The following ERC1 variants were observed in gnomAD, a reference collection of about 807,000 sequenced individuals.
The protein encoded by ERC1 is RAB6 interacting protein 2.
ERC1 carries 56 observed loss-of-function variants against 132.0 expected under a neutral mutation model. The ratio of observed to expected loss-of-function variants is 0.42; its 90% confidence interval spans 0.34 to 0.53. ERC1 has a LOEUF of 0.53. ERC1 is among the 20% of genes least tolerant of loss of function. The probability of loss-of-function intolerance (pLI) is 0.03; values close to 1 mark genes in which losing one functional copy is unlikely to be tolerated. For missense variants in ERC1, 1,202 were observed against 1,349.9 expected (o/e 0.89, Z 1.72); for synonymous variants, 478 against 476.1 (o/e 1.00, Z -0.05).
At chr12:1,351,526 G>A (rs1314644808) in intron 15 of ERC1, among the ~76,000 whole-genome samples, 1 of 152,104 alleles carries the variant, frequency 6.6e-6, no homozygotes, top group Non-Finnish European at 1.5e-5. Context: ...GTATCTCATT[G>A]TTCTCATATG....
chr12:1,022,351 A>G (rs1769268993), intron 1 of ERC1, among the ~76,000 whole-genome samples: 1 of 152,250 alleles, frequency 6.6e-6, no homozygotes, highest in Admixed American at 6.5e-5. Flanking sequence ...TGAAAAACAA[A>G]CATCTCAGAT....
At chr12:1,468,410 C>T (rs901802709) in intron 18 of ERC1, among the ~76,000 whole-genome samples, 1 of 152,178 alleles carries the variant, frequency 6.6e-6, no homozygotes, top group Non-Finnish European at 1.5e-5. Flanking sequence ...CAAGGTCAGC[C>T]TGGCCAACAT....
intron 17 of ERC1, among the ~76,000 whole-genome samples, chr12:1,433,209 AG>A (rs2092850096): frequency 6.6e-6 from 1 of 152,198 alleles, no homozygotes; most frequent in South Asian, 2.1e-4. Context: ...AAATTTCCTG[AG>A]GGAAGTAACT....
At position 1,492,992 on chromosome 12, in the gene ERC1, C is replaced by G. The variant is rs2094330145; in HGVS notation, c.*2762C>G. On this transcript the variant is annotated 3_prime_UTR_variant, in exon 19 of 19. Transcript: ENST00000360905. ...AATTTTCCCCAAACCCCTCCATCGG[C>G]AAGTCTAGTTGCCCTTTAGCACCTA... The G allele has an allele frequency of 4.4e-6, 1 of 226,318 alleles. No individual in the cohort carries two copies. Among genetic ancestry groups the G allele is most frequent in the Admixed American group, 5.7e-5 (1 of 17,546 alleles). The allele number at this position is 226,318 out of a possible 1,614,324, so 14.0% of individuals were successfully genotyped here.
intron 7 of ERC1, among the ~76,000 whole-genome samples, chr12:1,125,515 A>G (rs998396404): frequency 5.3e-5 from 8 of 152,070 alleles, no homozygotes; most frequent in African/African-American, 1.2e-4. Flanking sequence ...TGCATTTCCA[A>G]TTAAAACACC....
intron 13 of ERC1, among the ~76,000 whole-genome samples, chr12:1,253,854 G>C (rs2076621037): frequency 6.6e-6 from 1 of 152,120 alleles, no homozygotes; most frequent in African/African-American, 2.4e-5. Context: ...GCTATAGTTA[G>C]GCTGTCCCAA....
At chr12:1,484,121 T>C (rs181716746) in intron 18 of ERC1, among the ~76,000 whole-genome samples, 14,657 of 150,972 alleles carry the variant, frequency 0.097, 1,322 homozygotes, top group East Asian at 0.25. Flanking sequence ...CTGGCTAACA[T>C]GGTGAAACCC....
intron 13 of ERC1, among the ~76,000 whole-genome samples, chr12:1,251,660 TAGAA>T (rs2076476704): frequency 6.6e-6 from 1 of 152,194 alleles, no homozygotes; most frequent in Non-Finnish European, 1.5e-5. Context: ...TTTTACCATT[TAGAA>T]AGAAAGCAAA....
At chr12:1,056,064 T>C (rs1366971367) in intron 2 of ERC1, among the ~76,000 whole-genome samples, 1 of 139,256 alleles carries the variant, frequency 7.2e-6, no homozygotes, top group Non-Finnish European at 1.5e-5. Context: ...GTTACTTTTA[T>C]TGTAGCCTTT....
At chr12:1,371,356 T>C (rs764496065) in intron 15 of ERC1, among the ~76,000 whole-genome samples, 2 of 152,200 alleles carry the variant, frequency 1.3e-5, no homozygotes, top group Non-Finnish European at 2.9e-5. Flanking sequence ...GATAACAACA[T>C]GATAAAGACA....
At chr12:1,180,796 T>C (rs1259373287) in intron 9 of ERC1, 119 bp downstream of exon 9, 2 of 1,223,364 alleles carry the variant, frequency 1.6e-6, no homozygotes, top group Non-Finnish European at 1.1e-6. Flanking sequence ...CTGTGTGCTA[T>C]TGCTGACATA....
chr12:1,062,443 G>T lies in ERC1; in HGVS notation c.670-20721G>T, dbSNP rs1938209312. On this transcript the variant is annotated intron_variant, in intron 2 of 18. Transcript: ENST00000360905. The stretch of plus-strand genomic sequence containing the variant: ...TGTCATTATGTTGTGTTTCTATTTC[G>T]GTTTTTTTTCCAACAAATCTTTTGA... Among the ~76,000 whole-genome samples, 3 of 152,038 alleles carry T rather than the reference G, an allele frequency of 2.0e-5. No homozygotes were observed. The South Asian group carries it at 6.2e-4, about 32-fold the overall frequency.
chr12:1,265,322 CATT>C (rs368780651), intron 14 of ERC1, among the ~76,000 whole-genome samples: 18 of 151,784 alleles, frequency 1.2e-4, no homozygotes, highest in African/African-American at 4.1e-4. Context: ...ATAATCATGT[CATT>C]ATGGGATACA....
chr12:1,297,538 CAA>C (rs34023344), intron 15 of ERC1, among the ~76,000 whole-genome samples: 2,231 of 80,546 alleles, frequency 0.028, 34 homozygotes, highest in African/African-American at 0.072. Context: ...CCTGTTTCTA[CAA>C]AAAAAAAAAA....
intron 2 of ERC1, among the ~76,000 whole-genome samples, chr12:1,068,600 G>A (rs1939741474): frequency 7.4e-6 from 1 of 134,474 alleles, no homozygotes; most frequent in Admixed American, 7.4e-5. Flanking sequence ...TTGAAAAAAT[G>A]AAAATTAATT....
chr12:1,002,765 T>C (rs1592613873), intron 1 of ERC1, among the ~76,000 whole-genome samples: 2 of 152,208 alleles, frequency 1.3e-5, no homozygotes, highest in African/African-American at 2.4e-5. Context: ...ATTTCACTTA[T>C]TACTAATGAG....
chr12:1,462,995 A>G (rs184284760), intron 18 of ERC1, among the ~76,000 whole-genome samples: 25 of 152,226 alleles, frequency 1.6e-4, no homozygotes, highest in South Asian at 1.0e-3. Flanking sequence ...AGTGGAATCA[A>G]CTTTCATCAG....
intron 7 of ERC1, among the ~76,000 whole-genome samples, chr12:1,133,719 C>G (rs1333127605): frequency 6.6e-6 from 1 of 152,172 alleles, no homozygotes; most frequent in Admixed American, 6.5e-5. Flanking sequence ...TTATTAATTA[C>G]ACGCTGCTGT....
chr12:1,292,285 T>C (rs1594806064), intron 15 of ERC1, among the ~76,000 whole-genome samples: 1 of 152,296 alleles, frequency 6.6e-6, no homozygotes, highest in East Asian at 1.9e-4. Flanking sequence ...TTTGGTTTCA[T>C]TGAGAGTTTA....
Sources: gnomAD v4.1 joint callset for allele counts (sites outside exome capture counted in the v4.1 genomes callset) on GRCh38, gnomAD v4.1.1 for gene constraint, MANE v1.5 for transcripts, NCBI Gene and HGNC (gene_info 2026-07-23, HGNC 2026-07-21) for gene names.